Variants in MROH9 observed in about 807,000 individuals in gnomAD.
MROH9 encodes maestro heat-like repeat-containing protein family member 9.
Under a neutral mutation model 98.2 loss-of-function variants are expected in MROH9, and 92 were observed. The ratio of observed to expected loss-of-function variants is 0.94; its 90% CI spans 0.79 to 1.11. The LOEUF (loss-of-function observed/expected upper bound fraction) is 1.11. MROH9 is among the 50% of genes most tolerant of loss of function. The pLI, the probability that MROH9 is intolerant of heterozygous loss-of-function variation, is 0.00. For missense variants in MROH9, 1,057 were observed against 1,014.8 expected, an observed-to-expected ratio of 1.04 and a Z score of -0.57; for synonymous variants, 397 against 368.9, an observed-to-expected ratio of 1.08 and a Z score of -0.87.
At chr1:170,975,785 G>T (rs1190992915) in intron 8 of MROH9, among the ~76,000 whole-genome samples, 5 of 152,182 alleles carry the variant, frequency 3.3e-5, no homozygotes, top group African/African-American at 1.2e-4. Context: ...GGGAGTCTAA[G>T]TTTCTTTGAA....
In MROH9 at chr1:170,936,002, A is replaced by G. The variant is rs1439671544; in HGVS notation, c.-38+415A>G. Among the ~76,000 whole-genome samples, 267 of 143,872 alleles carry G rather than the reference A, an allele frequency of 1.9e-3. 2 individuals are homozygous for G. Among genetic ancestry groups the G allele is most frequent in the African/African-American group, 6.3e-3 (250 of 39,706 alleles). The allele number at this position is 143,872 out of a possible 152,430, so 94.4% of individuals were successfully genotyped here. A position where few individuals can be genotyped will look rare whatever the true frequency, so the allele number is the denominator to read the frequency against. On this transcript the variant is annotated intron_variant, in intron 1 of 21. Coordinates refer to ENST00000367759, the MANE Select transcript of MROH9 (RefSeq NM_001163629.2). ...TGAGACAAAAAAAAAAAAAAAAAAA[A>G]AAAAAAGAAAAGAAAAAGAAAATTA... is the stretch of plus-strand genomic sequence containing the variant.
intron 17 of MROH9, among the ~76,000 whole-genome samples, chr1:171,022,449 G>A (rs140788495): frequency 6.6e-6 from 1 of 152,086 alleles, no homozygotes; most frequent in Non-Finnish European, 1.5e-5. Context: ...TGCTTTGCAG[G>A]GACATGGATG....
intron 3 of MROH9, among the ~76,000 whole-genome samples, chr1:170,951,872 T>C (rs1649566100): frequency 6.6e-6 from 1 of 152,134 alleles, no homozygotes; most frequent in South Asian, 2.1e-4. Context: ...GCACCTTTTG[T>C]GCAGAAGCTG....
At chr1:171,021,319 A>C (rs1349838733) in intron 17 of MROH9, among the ~76,000 whole-genome samples, 1 of 152,180 alleles carries the variant, frequency 6.6e-6, no homozygotes, top group Admixed American at 6.5e-5. Flanking sequence ...CTAAGCACAA[A>C]GAACAAAGCT....
At chr1:170,967,344 G>T (rs1390591191) in intron 7 of MROH9, among the ~76,000 whole-genome samples, 1 of 152,088 alleles carries the variant, frequency 6.6e-6, no homozygotes, top group Non-Finnish European at 1.5e-5. Flanking sequence ...CAGTAAGTTC[G>T]CTTTCTCTTT....
At chr1:170,977,098 GT>G (rs995884877) in intron 8 of MROH9, among the ~76,000 whole-genome samples, 1 of 152,014 alleles carries the variant, frequency 6.6e-6, no homozygotes, top group East Asian at 1.9e-4. Context: ...GGCCAGTTAG[GT>G]TTTTTTATAC....
rs1460198702 is a variant in MROH9, at chr1:170,992,188, G to A, written c.1053G>A (p.Ala351=). 1.9e-6 allele frequency: 3 copies of A among 1,611,890 alleles called. No individual in the cohort carries two copies. The highest frequency in any genetic ancestry group is 2.5e-6 in the Non-Finnish European group (3 of 1,179,068). ...GCACTCTGATACAGATGTGGAAGGCGGCATGTTCTCAGGCGAGCGTGGCCC... is the reference window on the plus strand; with the variant it reads ...GCACTCTGATACAGATGTGGAAGGCAGCATGTTCTCAGGCGAGCGTGGCCC... ...ADDTLIQMWK[A]ACSQASVAPH... The change falls in exon 12 of 22, where the codon GCG becomes GCA. Residue 351 remains alanine, a synonymous_variant. Transcript: ENST00000367759.
At chr1:170,964,432 A>G (rs1189500241) in intron 6 of MROH9, among the ~76,000 whole-genome samples, 1 of 152,108 alleles carries the variant, frequency 6.6e-6, no homozygotes, top group Non-Finnish European at 1.5e-5. Context: ...AATGGGAGCA[A>G]GAAAAGGTGA....
chr1:171,009,773 G>A (rs1210693408), intron 15 of MROH9, among the ~76,000 whole-genome samples: 3 of 152,118 alleles, frequency 2.0e-5, no homozygotes, highest in Non-Finnish European at 4.4e-5. Context: ...TAAAATGGCT[G>A]GTTTCAGGGG....
intron 20 of MROH9, among the ~76,000 whole-genome samples, chr1:171,041,615 G>T (rs180882387): frequency 7.8e-4 from 119 of 151,706 alleles, no homozygotes; most frequent in Admixed American, 2.4e-3. Flanking sequence ...TTGAATGGTA[G>T]TTCTATTTTT....
At chr1:171,057,162 A>G (rs1653863758) in intron 20 of MROH9, among the ~76,000 whole-genome samples, 1 of 152,198 alleles carries the variant, frequency 6.6e-6, no homozygotes, top group South Asian at 2.1e-4. Context: ...GTAATAAAAA[A>G]CTACACTGAT....
intron 1 of MROH9, among the ~76,000 whole-genome samples, chr1:170,943,475 A>G (rs761147228): frequency 5.3e-5 from 8 of 152,014 alleles, no homozygotes; most frequent in Non-Finnish European, 7.4e-5. Flanking sequence ...ATATATAAAT[A>G]AATTTTAACA....
chr1:171,014,373 C>T, intron 16 of MROH9, 119 bp downstream of exon 16: 1 of 862,672 alleles, frequency 1.2e-6, no homozygotes, highest in Non-Finnish European at 1.7e-6. Context: ...ATAACTAAAA[C>T]ATATCAAAGC....
intron 3 of MROH9, among the ~76,000 whole-genome samples, chr1:170,949,099 G>C (rs192511747): frequency 3.0e-3 from 456 of 152,178 alleles, no homozygotes; most frequent in Non-Finnish European, 4.6e-3. Flanking sequence ...TTTCAAAGTT[G>C]ACCCTCTTTG....
chr1:170,996,639 T>C lies in MROH9; in HGVS notation c.1470T>C (p.Ile490=). 6.2e-7 allele frequency: 1 copy of C among 1,613,388 alleles called. No homozygotes were observed. Reference sequence around the variant, plus strand: ...GTTACTATCATGGAGTCTGCTTTATTGCTAAGTAAGAACAGGGGTCTCTGT... The same window carrying C: ...GTTACTATCATGGAGTCTGCTTTATCGCTAAGTAAGAACAGGGGTCTCTGT... The part of the protein sequence containing the change: ...DLCYYHGVCF[I]AKTLSEYNFP... Residue 490 remains isoleucine (I), a synonymous_variant, in exon 14 of 22, where the codon ATT becomes ATC. Transcript: ENST00000367759.
At chr1:171,014,907 G>A (rs1380777637) in intron 16 of MROH9, 2 of 458,920 alleles carry the variant, frequency 4.4e-6, no homozygotes, top group Non-Finnish European at 9.1e-6. Context: ...CCACCAATCT[G>A]TGTTTTAAAG....
intron 20 of MROH9, among the ~76,000 whole-genome samples, chr1:171,057,515 C>T (rs115958118): frequency 0.01 from 1,561 of 152,054 alleles, 28 homozygotes; most frequent in African/African-American, 0.035. Context: ...GGAGATGGGA[C>T]GAAAGGAAAC....
At position 170,988,339 on chromosome 1, in the gene MROH9, C is replaced by G. The variant is rs528987439; in HGVS notation, c.880-1516C>G. Among the ~76,000 whole-genome samples the G allele has an allele frequency of 2.0e-5, 3 of 152,214 alleles. No individual in the cohort carries two copies. In the South Asian group the frequency reaches 6.2e-4, roughly 32 times the overall value. ...AGGGGAGGAGATGCTTTATATAGAA[C>G]TCTCAATGCTGCTGCAGATGGGAGC... On this transcript the variant is annotated intron_variant, in intron 10 of 21. Coordinates refer to ENST00000367759, the MANE Select transcript of MROH9 (RefSeq NM_001163629.2).
intron 7 of MROH9, among the ~76,000 whole-genome samples, chr1:170,970,765 A>G (rs1650427043): frequency 6.6e-6 from 1 of 150,492 alleles, no homozygotes; most frequent in Admixed American, 6.6e-5. Context: ...AGAGAGAGAG[A>G]GAGACAGAGT....
Sources: allele counts gnomAD v4.1 joint callset (sites outside exome capture counted in the v4.1 genomes callset), GRCh38; gene constraint gnomAD v4.1.1; transcripts MANE v1.5; gene names NCBI Gene and HGNC (gene_info 2026-07-23, HGNC 2026-07-21).